Variants in PRSS58 observed in about 807,000 individuals in gnomAD.
PRSS58 encodes protease, serine 58.
In PRSS58, 31 loss-of-function variants were observed where a neutral mutation model predicts 25.0. The ratio of observed to expected loss-of-function variants is 1.24; its 90% CI spans 0.93 to 1.67. The LOEUF is 1.67. Ranked by LOEUF, PRSS58 falls within the 40% of genes most tolerant of loss-of-function variation. PRSS58 has a pLI of 0.00. For missense variants in PRSS58, 324 were observed against 287.9 expected (o/e 1.13, Z -0.91); for synonymous variants, 119 against 106.1 (o/e 1.12, Z -0.75).
In PRSS58 at chr7:142,255,327, C is replaced by A. The variant is rs117739330; in HGVS notation, c.180-16G>T. Reference sequence around the variant, plus strand: ...CCGAAGCTTTCTGGAACAATATAGACGTTTATGAGAGGACTTAACAGAGAT... The same window carrying A: ...CCGAAGCTTTCTGGAACAATATAGAAGTTTATGAGAGGACTTAACAGAGAT... On this transcript the variant is annotated splice_polypyrimidine_tract_variant and intron_variant, in intron 3 of 5. Coordinates refer to ENST00000547058, the MANE Select transcript of PRSS58 (RefSeq NM_001001317.5). 6 of 1,610,082 alleles carry A rather than the reference C, an allele frequency of 3.7e-6. No homozygotes were observed. In the African/African-American group the frequency reaches 8.0e-5, roughly 22 times the overall value.
chr7:142,254,374 A>G (rs988700269), intron 4 of PRSS58, among the ~76,000 whole-genome samples: 3 of 152,154 alleles, frequency 2.0e-5, no homozygotes, highest in Non-Finnish European at 4.4e-5. Flanking sequence ...TGGGTGTTTT[A>G]TGGAATATGA....
rs997835752 is a variant in PRSS58 at position 142,255,810 on chromosome 7, G to T, written c.41-137C>A. The T allele has an allele frequency of 3.2e-5, 21 of 662,930 alleles. No individual in the cohort carries two copies. In the Admixed American group the frequency reaches 7.1e-4, roughly 22 times the overall value. 41.1% of individuals were successfully genotyped at this position (662,930 alleles called of 1,614,324 possible). On this transcript the variant is annotated intron_variant, in intron 2 of 5. Transcript: ENST00000547058. ...CTTTATCTGTAAAATGACTTACTTT[G>T]TTCTAAAACACGAAGAAAAGACAAA... is the stretch of plus-strand genomic sequence containing the variant.
In PRSS58 at chr7:142,254,047, T is replaced by C. The variant is rs187371012; in HGVS notation, c.436+1008A>G. Among the ~76,000 whole-genome samples the C allele has an allele frequency of 9.6e-4, 146 of 152,274 alleles. 1 individual carries two copies. Among genetic ancestry groups the C allele is most frequent in the Non-Finnish European group, 1.8e-4 (12 of 68,012 alleles). On this transcript the variant is annotated intron_variant, in intron 4 of 5. Transcript: ENST00000547058. ...CCTGTTGGTTTCTATAAAAAGAAAG[T>C]AGTGATGGATAGATGAATGTAATCT...
chr7:142,257,634 T>C, intron 2 of PRSS58, 34 bp downstream of exon 2: 1 of 1,578,602 alleles, frequency 6.3e-7, no homozygotes, highest in African/African-American at 1.3e-5. Flanking sequence ...GATTTCTCTT[T>C]GGTGGGTAAA....
At chr7:142,255,009 T>C (rs201861198) in intron 4 of PRSS58, 46 bp downstream of exon 4, 210 of 1,596,020 alleles carry the variant, frequency 1.3e-4, no homozygotes, top group Middle Eastern at 8.3e-4. Flanking sequence ...CGCGAAGGTG[T>C]AGAAGCATGT....
In PRSS58 at chr7:142,252,232, G is replaced by A; in HGVS notation, c.715C>T (p.Gln239Ter). ...YYIPWIENVI[Q>*]NN ...ACAACTGCCACAGCTCAGTTATTTT[G>A]GATTACATTTTCAATCCAGGGTATA... The change falls in exon 6 of 6, where the codon CAA becomes TAA. Residue 239 changes from glutamine (Q) to a stop codon, truncating the protein, a stop_gained. Transcript: ENST00000547058. LOFTEE classifies it high-confidence loss of function. 1 of 1,611,776 alleles carries A rather than the reference G, an allele frequency of 6.2e-7. No individual in the cohort carries two copies. The highest frequency in any genetic ancestry group is 1.3e-5 in the African/African-American group (1 of 74,902).
Position 142,257,696 on chromosome 7 carries a change from G to A in PRSS58, c.12C>T (p.Ile4=). ...TCAGATTCAAGAGAGCCCAGAGGAGGATAAACTTCATGATGATGTTGAAAG... is the reference window on the plus strand; with the variant it reads ...TCAGATTCAAGAGAGCCCAGAGGAGAATAAACTTCATGATGATGTTGAAAG... MKF[I]LLWALLNLTV... Residue 4 remains isoleucine, a synonymous_variant, in exon 2 of 6, where the codon ATC becomes ATT. Transcript: ENST00000547058. The A allele has an allele frequency of 6.2e-7, 1 of 1,613,048 alleles. No homozygotes were observed. Among genetic ancestry groups the A allele is most frequent in the Non-Finnish European group, 8.5e-7 (1 of 1,179,188 alleles).
intron 4 of PRSS58, 51 bp downstream of exon 4, chr7:142,255,004 A>T (rs764742791): frequency 6.3e-7 from 1 of 1,577,364 alleles, no homozygotes; most frequent in South Asian, 1.1e-5. Flanking sequence ...AGAGTCGCGA[A>T]GGTGTAGAAG....
Position 142,252,261 on chromosome 7 carries a change from T to TA in PRSS58, c.685dup (p.Tyr229LeufsTer7), listed in dbSNP as rs1290389632. The TA allele has an allele frequency of 1.2e-6, 2 of 1,613,956 alleles. No homozygotes were observed. Among genetic ancestry groups the TA allele is most frequent in the Admixed American group, 3.3e-5 (2 of 59,996 alleles). On this transcript the variant is annotated frameshift_variant, in exon 6 of 6. Transcript: ENST00000547058. LOFTEE classifies it high-confidence loss of function. ...TACATTTTCAATCCAGGGTATATAG[T>TA]AAAAAATTTTGGCATAGATGCCAAC...
chr7:142,253,368 T>C lies in PRSS58; in HGVS notation c.437-757A>G, dbSNP rs200047330. ...AGTTTTCTTAAACATATAAAGCTAG[T>C]AAATGGTAAAGCTAAGATTTAAAAC... On this transcript the variant is annotated intron_variant, in intron 4 of 5. Transcript: ENST00000547058. Among the ~76,000 whole-genome samples the C allele has an allele frequency of 3.3e-4, 51 of 152,296 alleles. No individual in the cohort carries two copies. In the East Asian group the frequency reaches 4.6e-3, roughly 14 times the overall value.
At chr7:142,253,507 A>G (rs1387139117) in intron 4 of PRSS58, among the ~76,000 whole-genome samples, 1 of 152,238 alleles carries the variant, frequency 6.6e-6, no homozygotes, top group East Asian at 1.9e-4. Flanking sequence ...AATGAGAAAA[A>G]CAACAAAGTA....
chr7:142,255,846 A>G (rs1483300727), intron 2 of PRSS58, among the ~76,000 whole-genome samples, 173 bp from the exon 3 acceptor site: 3 of 152,228 alleles, frequency 2.0e-5, no homozygotes, highest in East Asian at 1.9e-4. Flanking sequence ...TGGTAGAAAC[A>G]TATCTCTTTT....
rs148679475 is a variant in PRSS58, at chr7:142,255,179, T to A, written c.312A>T (p.Leu104=). 6.2e-7 allele frequency: 1 copy of A among 1,614,166 alleles called. No homozygotes were observed. The highest frequency in any genetic ancestry group is 8.5e-7 in the Non-Finnish European group (1 of 1,180,018). The change falls in exon 4 of 6, where the codon CTA becomes CTT. Residue 104 remains leucine (L), a synonymous_variant. Coordinates refer to ENST00000547058, the MANE Select transcript of PRSS58 (RefSeq NM_001001317.5). ...SVTSIDHDIM[L]IKLKTEAELN... ...GTTCAGCCTCTGTTTTCAGCTTGAT[T>A]AGCATGATGTCATGATCAATAGAAG...
intron 4 of PRSS58, 118 bp from the exon 5 acceptor site, chr7:142,252,729 G>T (rs565649939): frequency 8.1e-6 from 9 of 1,108,748 alleles, no homozygotes. Flanking sequence ...ATTCAGAGAA[G>T]TCAGAACTGT....
Position 142,256,895 on chromosome 7 carries a change from C to CAG in PRSS58, c.40+772_40+773insCT, listed in dbSNP as rs1444679829. Among the ~76,000 whole-genome samples the CAG allele has an allele frequency of 7.7e-3, 1,172 of 152,212 alleles. 4 individuals carry two copies. Among genetic ancestry groups the CAG allele is most frequent in the Admixed American group, 0.016 (246 of 15,276 alleles). ...CAGAGGCAACAGCTGCAGCATGGGT[C>CAG]CTGAGGCTTGTGTCAGTTACATCAC... is the stretch of plus-strand genomic sequence containing the variant. On this transcript the variant is annotated intron_variant, in intron 2 of 5. Coordinates refer to ENST00000547058, the MANE Select transcript of PRSS58 (RefSeq NM_001001317.5).
chr7:142,253,967 A>G (rs1798511929), intron 4 of PRSS58, among the ~76,000 whole-genome samples: 1 of 152,180 alleles, frequency 6.6e-6, no homozygotes, highest in African/African-American at 2.4e-5. Context: ...TTTACTAAGG[A>G]TTAGTTTTAA....
rs1429820398 is a variant in PRSS58 at position 142,252,294 on chromosome 7, C to G, written c.653G>C (p.Arg218Thr). The G allele has an allele frequency of 1.2e-6, 2 of 1,614,128 alleles. No individual in the cohort carries two copies. The highest frequency in any genetic ancestry group is 1.7e-4 in the Middle Eastern group (1 of 6,060). Residue 218 changes from arginine (R) to threonine (T), a missense_variant, in exon 6 of 6, where the codon AGA (arginine) becomes ACA (threonine). By Grantham distance (71) the Arg-to-Thr change is moderately conservative. Coordinates refer to ENST00000547058, the MANE Select transcript of PRSS58 (RefSeq NM_001001317.5). Reference protein sequence around the residue: ...ILSFADGCVLRADVGIYAKIF... With the variant: ...ILSFADGCVLTADVGIYAKIF... ...TTTGGCATAGATGCCAACATCAGCT[C>G]TCAAAACACATCCATCCGCAAAAGA...
At chr7:142,255,723 C>A in intron 2 of PRSS58, 50 bp from the exon 3 acceptor site, 1 of 1,528,660 alleles carries the variant, frequency 6.5e-7, no homozygotes, top group Admixed American at 2.1e-5. Flanking sequence ...CAGTCATCAC[C>A]AGAAAAACTT....
intron 3 of PRSS58, 25 bp downstream of exon 3, chr7:142,255,510 G>A (rs1798540115): frequency 6.2e-7 from 1 of 1,613,754 alleles, no homozygotes; most frequent in Non-Finnish European, 8.5e-7. Context: ...AAAGAATGGA[G>A]TGCCTTTGAA....
Sources: gnomAD v4.1 joint callset for allele counts (sites outside exome capture counted in the v4.1 genomes callset) on GRCh38, gnomAD v4.1.1 for gene constraint, MANE v1.5 for transcripts, NCBI Gene and HGNC (gene_info 2026-07-23, HGNC 2026-07-21) for gene names.